PRRC2C: variants seen among roughly 807,000 people sequenced by gnomAD.
PRRC2C encodes proline rich coiled-coil 2C.
A neutral mutation model predicts 317.2 loss-of-function variants in PRRC2C; 72 were observed. The observed-to-expected ratio is 0.23, with a 90% CI of 0.19 to 0.28. The LOEUF is 0.28. Among genes scored for constraint, PRRC2C ranks in the 10% least tolerant of loss-of-function variants. The pLI is 1.00. For synonymous variants in PRRC2C, 1,296 were observed against 1,205.9 expected (o/e 1.07, Z -1.55); for missense variants, 3,074 against 3,459.7 (o/e 0.89, Z 2.80).
intron 1 of PRRC2C, among the ~76,000 whole-genome samples, chr1:171,498,810 CTTTTT>C (rs968097369): frequency 6.6e-6 from 1 of 152,004 alleles, no homozygotes; most frequent in Non-Finnish European, 1.5e-5. Context: ...ACTGGGCTTT[CTTTTT>C]TTTGTTTTTG....
intron 20 of PRRC2C, among the ~76,000 whole-genome samples, chr1:171,564,063 T>C (rs1683182656): frequency 6.6e-6 from 1 of 152,222 alleles, no homozygotes; most frequent in African/African-American, 2.4e-5. Context: ...AAGATGATTT[T>C]TTGTGAATGT....
chr1:171,551,667 G>A (rs534464793), intron 18 of PRRC2C, among the ~76,000 whole-genome samples: 74 of 152,252 alleles, frequency 4.9e-4, no homozygotes, highest in Admixed American at 4.6e-3. Context: ...TCCAGTTTCA[G>A]CTTTCTACAT....
At chr1:171,591,373 G>GTTT (rs35289979) in intron 34 of PRRC2C, 1,607 of 267,464 alleles carry the variant, frequency 6.0e-3, no homozygotes, top group South Asian at 0.016. Context: ...TGGTCCTGTG[G>GTTT]TTTTTTTTTT....
chr1:171,500,545 C>G (rs773779674), intron 1 of PRRC2C, among the ~76,000 whole-genome samples: 1 of 152,080 alleles, frequency 6.6e-6, no homozygotes, highest in Non-Finnish European at 1.5e-5. Context: ...TACCGGTACA[C>G]GCCACCATGC....
intron 19 of PRRC2C, among the ~76,000 whole-genome samples, chr1:171,559,869 A>G (rs1191786807): frequency 6.6e-6 from 1 of 152,042 alleles, no homozygotes; most frequent in Non-Finnish European, 1.5e-5. Flanking sequence ...GCTCAGGGGG[A>G]AAAATGCTCA....
Position 171,540,980 on chromosome 1 carries a change from T to C in PRRC2C, c.3514T>C (p.Tyr1172His), listed in dbSNP as rs1339244380. ...AGAATCAACTTTGCCTCCCAGGACC[T>C]ATTGGAAAGAAGCTAGAGAGAGAGA... Reference protein sequence around the residue: ...KKESTLPPRTYWKEARERDWF... With the variant: ...KKESTLPPRTHWKEARERDWF... The change falls in exon 16 of 35, where the codon TAT becomes CAT. Residue 1172 changes from tyrosine to histidine, a missense_variant. This residue lies in a region of PRRC2C where 1,320 missense variants were observed against 1,395.7 expected (regional missense o/e 0.95). Coordinates refer to ENST00000647382, the MANE Select transcript of PRRC2C (RefSeq NM_001387844.1). 6.2e-7 allele frequency: 1 copy of C among 1,613,918 alleles called. No individual in the cohort carries two copies. Among genetic ancestry groups the C allele is most frequent in the South Asian group, 1.1e-5 (1 of 91,080 alleles).
At chr1:171,556,227 G>A (rs567189289) in intron 18 of PRRC2C, among the ~76,000 whole-genome samples, 9 of 152,352 alleles carry the variant, frequency 5.9e-5, no homozygotes, top group South Asian at 2.1e-4. Flanking sequence ...GGGACCTGCC[G>A]AGCCAGGCGT....
chr1:171,587,312 C>A, intron 31 of PRRC2C, 91 bp downstream of exon 31: 1 of 1,216,930 alleles, frequency 8.2e-7, no homozygotes, highest in Non-Finnish European at 1.1e-6. Context: ...AACTAAAATG[C>A]GTCAGTTTTT....
At chr1:171,563,668 A>G (rs916023392) in intron 20 of PRRC2C, among the ~76,000 whole-genome samples, 1 of 152,094 alleles carries the variant, frequency 6.6e-6, no homozygotes, top group Non-Finnish European at 1.5e-5. Context: ...TCTCCACTCC[A>G]GTTTTCTGAC....
At chr1:171,570,219 A>G (rs1684516917) in intron 23 of PRRC2C, among the ~76,000 whole-genome samples, 1 of 152,202 alleles carries the variant, frequency 6.6e-6, no homozygotes, top group Non-Finnish European at 1.5e-5. Context: ...TTCATGGGAA[A>G]AAATTTAGGA....
Position 171,518,566 on chromosome 1 carries a change from C to G in PRRC2C, c.750+752C>G, listed in dbSNP as rs148932345. Among the ~76,000 whole-genome samples the G allele has an allele frequency of 4.2e-3, 515 of 122,930 alleles. 2 individuals are homozygous for G. Among genetic ancestry groups the G allele is most frequent in the African/African-American group, 0.014 (464 of 32,472 alleles). The allele number at this position is 122,930 out of a possible 152,430, so 80.6% of individuals were successfully genotyped here. A position where few individuals can be genotyped will look rare whatever the true frequency, so the allele number is the denominator to read the frequency against. On this transcript the variant is annotated intron_variant, in intron 6 of 34. Coordinates refer to ENST00000647382, the MANE Select transcript of PRRC2C (RefSeq NM_001387844.1). ...AGGCTGGAGTGCAGTGGCATGATCT[C>G]AGCTCACTGCACCCTCTGCCCCCTG...
chr1:171,588,624 T>A, intron 33 of PRRC2C, 119 bp downstream of exon 33: 3 of 1,141,822 alleles, frequency 2.6e-6, no homozygotes, highest in Non-Finnish European at 3.7e-6. Flanking sequence ...TAAAAAATTG[T>A]TTCTGAATTT....
At chr1:171,556,612 A>G (rs1343442809) in intron 18 of PRRC2C, among the ~76,000 whole-genome samples, 1 of 152,148 alleles carries the variant, frequency 6.6e-6, no homozygotes, top group Non-Finnish European at 1.5e-5. Flanking sequence ...ATCGTATGCT[A>G]GGGACACCTT....
intron 1 of PRRC2C, among the ~76,000 whole-genome samples, chr1:171,491,505 A>G (rs942149637): frequency 1.3e-5 from 2 of 152,236 alleles, no homozygotes; most frequent in Non-Finnish European, 1.5e-5. Context: ...TCCTAGTTAC[A>G]TAAAGGCCCT....
intron 1 of PRRC2C, among the ~76,000 whole-genome samples, chr1:171,486,358 C>G (rs1470741752): frequency 6.6e-6 from 1 of 151,982 alleles, no homozygotes; most frequent in African/African-American, 2.4e-5. Context: ...TTTTCACACT[C>G]TAGGCCGCTC....
At chr1:171,490,639 G>C (rs1666975556) in intron 1 of PRRC2C, among the ~76,000 whole-genome samples, 1 of 152,152 alleles carries the variant, frequency 6.6e-6, no homozygotes, top group African/African-American at 2.4e-5. Flanking sequence ...ATAGAAATCA[G>C]GGCAGAAGAG....
intron 1 of PRRC2C, among the ~76,000 whole-genome samples, chr1:171,493,556 C>A (rs913826964): frequency 6.6e-6 from 1 of 152,174 alleles, no homozygotes; most frequent in African/African-American, 2.4e-5. Flanking sequence ...AGCGATGGCT[C>A]ACCCTGTAAT....
intron 1 of PRRC2C, among the ~76,000 whole-genome samples, chr1:171,487,121 T>C (rs1224139645): frequency 6.6e-6 from 1 of 152,238 alleles, no homozygotes; most frequent in Non-Finnish European, 1.5e-5. Context: ...CTGTTCTCCA[T>C]TAGGTGACCT....
At chr1:171,569,721 A>G (rs910020192) in intron 23 of PRRC2C, among the ~76,000 whole-genome samples, 4 of 150,794 alleles carry the variant, frequency 2.7e-5, no homozygotes, top group African/African-American at 7.3e-5. Flanking sequence ...GAAATATTCA[A>G]TCAGTAAGAT....
Sources: allele counts gnomAD v4.1 joint callset (sites outside exome capture counted in the v4.1 genomes callset), GRCh38; gene constraint gnomAD v4.1.1; regional missense constraint gnomAD v4.1.1; transcripts MANE v1.5; gene names NCBI Gene and HGNC (gene_info 2026-07-23, HGNC 2026-07-21).